INTS15: variants seen among roughly 807,000 people sequenced by gnomAD.
INTS15 encodes the protein integrator complex subunit 15, also known as uncharacterized protein C7orf26.
the INTS15 span, among the ~76,000 whole-genome samples, chr7:6,591,135 C>G: frequency 6.6e-6 from 1 of 152,082 alleles, no homozygotes; most frequent in Admixed American, 6.6e-5. Flanking sequence ...AACGCCTGGC[C>G]TATATGACTT....
chr7:6,607,934 G>A, the INTS15 span: 17 of 1,597,240 alleles, frequency 1.1e-5, no homozygotes, highest in East Asian at 3.6e-4. The surrounding 1 kb of genome is among the most constrained non-coding windows in gnomAD (Gnocchi z 6.0). Flanking sequence ...GCCCGCCCGC[G>A]CTGACGCTTA....
At chr7:6,603,900 C>T in the INTS15 span, among the ~76,000 whole-genome samples, 6 of 151,814 alleles carry the variant, frequency 4.0e-5, no homozygotes, top group Middle Eastern at 3.4e-3. Flanking sequence ...TTCATTCGGG[C>T]GGCTGACACA....
the INTS15 span, among the ~76,000 whole-genome samples, chr7:6,598,289 G>T: frequency 2.0e-5 from 3 of 152,108 alleles, no homozygotes; most frequent in African/African-American, 7.2e-5. Flanking sequence ...GGCCAACATG[G>T]CGAAACCCCA....
the INTS15 span, among the ~76,000 whole-genome samples, chr7:6,598,787 A>T: frequency 0.021 from 1,448 of 69,944 alleles, 1 homozygote; most frequent in Middle Eastern, 0.024. Context: ...GTGTGTGTGT[A>T]TTTTTTTTTT....
the INTS15 span, among the ~76,000 whole-genome samples, chr7:6,604,082 C>G: frequency 1.3e-5 from 2 of 152,070 alleles, no homozygotes; most frequent in African/African-American, 4.8e-5. Flanking sequence ...GTGTCAGCTG[C>G]TTTTTTTCTT....
the INTS15 span, chr7:6,600,168 A>G: frequency 1.9e-6 from 3 of 1,614,224 alleles, no homozygotes; most frequent in Non-Finnish European, 1.7e-6. Context: ...CACCTGACCG[A>G]GAAGAATCTG....
chr7:6,604,072 G>A, the INTS15 span, among the ~76,000 whole-genome samples: 25 of 152,216 alleles, frequency 1.6e-4, 1 homozygote, highest in East Asian at 4.6e-3. Context: ...TATCTAAAAA[G>A]TGTCAGCTGC....
At chr7:6,605,501 A>G in the INTS15 span, among the ~76,000 whole-genome samples, 1 of 152,256 alleles carries the variant, frequency 6.6e-6, no homozygotes, top group African/African-American at 2.4e-5. Context: ...TCTTATAACC[A>G]GGGGTCCACA....
the INTS15 span, among the ~76,000 whole-genome samples, chr7:6,598,905 G>C: frequency 2.0e-5 from 3 of 151,714 alleles, no homozygotes; most frequent in African/African-American, 7.3e-5. Context: ...TCCTACCTCA[G>C]CCTCCTGAAT....
chr7:6,600,097 C>A, the INTS15 span: 2 of 1,614,224 alleles, frequency 1.2e-6, no homozygotes, highest in East Asian at 4.5e-5. Flanking sequence ...ACAGAGACTC[C>A]CACCTCTTGT....
chr7:6,593,117 A>G, the INTS15 span, among the ~76,000 whole-genome samples: 2 of 152,150 alleles, frequency 1.3e-5, no homozygotes, highest in African/African-American at 4.8e-5. Flanking sequence ...AGTAAACTGT[A>G]AAGCAAGAGC....
chr7:6,594,393 C>T, the INTS15 span: 3 of 1,608,682 alleles, frequency 1.9e-6, no homozygotes, highest in Admixed American at 1.7e-5. Context: ...TCTACTCACT[C>T]ACGACATCTG....
chr7:6,603,057 T>G, the INTS15 span, among the ~76,000 whole-genome samples: 3 of 151,972 alleles, frequency 2.0e-5, no homozygotes, highest in African/African-American at 7.2e-5. Flanking sequence ...CGAGACCAGC[T>G]TGGTCAACAT....
the INTS15 span, among the ~76,000 whole-genome samples, chr7:6,591,453 A>G: frequency 1.3e-5 from 2 of 151,662 alleles, no homozygotes; most frequent in Non-Finnish European, 1.5e-5. Flanking sequence ...TTTAGTAGAG[A>G]TGGGGTTTCA....
chr7:6,600,767 C>T, the INTS15 span, among the ~76,000 whole-genome samples: 2 of 152,084 alleles, frequency 1.3e-5, no homozygotes, highest in African/African-American at 4.8e-5. Flanking sequence ...AAGCAATCAT[C>T]GTGCATCAGC....
chr7:6,606,685 C>T, the INTS15 span, among the ~76,000 whole-genome samples: 2 of 142,860 alleles, frequency 1.4e-5, no homozygotes, highest in Non-Finnish European at 3.1e-5. Flanking sequence ...TGGGAAGGGC[C>T]CCAGAGGGCC....
the INTS15 span, among the ~76,000 whole-genome samples, chr7:6,599,148 A>G: frequency 2.6e-5 from 4 of 152,224 alleles, no homozygotes; most frequent in African/African-American, 9.6e-5. Context: ...TGTCCTTTGT[A>G]TGAGACTAAT....
the INTS15 span, chr7:6,600,273 C>T: frequency 1.2e-6 from 2 of 1,614,214 alleles, no homozygotes; most frequent in Non-Finnish European, 1.7e-6. Context: ...CTCAACGCCT[C>T]CCAGGAGATT....
At chr7:6,596,632 G>A in the INTS15 span, among the ~76,000 whole-genome samples, 4 of 151,902 alleles carry the variant, frequency 2.6e-5, no homozygotes, top group Non-Finnish European at 5.9e-5. Context: ...ACCTGGCTCA[G>A]TCTCCCAAAG....
Sources: gnomAD v4.1 joint callset for allele counts (sites outside exome capture counted in the v4.1 genomes callset) on GRCh38, gnomAD v4.1.1 for gene constraint, Gnocchi (gnomAD v3.1) non-coding constraint, MANE v1.5 for transcripts, NCBI Gene and HGNC (gene_info 2026-07-23, HGNC 2026-07-21) for gene names.